RAD23B: variants seen among roughly 807,000 people sequenced by gnomAD.
The protein encoded by RAD23B is RAD23 nucleotide excision repair protein B.
In RAD23B, 5 loss-of-function variants were observed where a neutral mutation model predicts 49.1. That is an observed-to-expected ratio of 0.10 (90% CI 0.05 to 0.21). RAD23B has a LOEUF of 0.21. Among genes scored for constraint, RAD23B ranks in the 10% least tolerant of loss-of-function variants. The pLI, the probability that RAD23B is intolerant of heterozygous loss-of-function variation, is 1.00. For missense variants in RAD23B, 356 were observed against 486.7 expected, an observed-to-expected ratio of 0.73 and a Z score of 2.53; for synonymous variants, 184 against 165.4, an observed-to-expected ratio of 1.11 and a Z score of -0.86.
chr9:107,286,969 G>A (rs1388684585), intron 1 of RAD23B, among the ~76,000 whole-genome samples: 3 of 152,010 alleles, frequency 2.0e-5, no homozygotes, highest in Admixed American at 6.6e-5. Flanking sequence ...CAGCTACTTG[G>A]GAGGCTGAGG....
At chr9:107,296,480 T>G (rs754815369) in intron 1 of RAD23B, among the ~76,000 whole-genome samples, 1 of 152,236 alleles carries the variant, frequency 6.6e-6, no homozygotes, top group Non-Finnish European at 1.5e-5. Flanking sequence ...TTCTGTGCTG[T>G]GACTGTGTAA....
intron 1 of RAD23B, among the ~76,000 whole-genome samples, chr9:107,295,596 A>T (rs181554193): frequency 1.1e-4 from 16 of 152,316 alleles, no homozygotes; most frequent in Non-Finnish European, 2.9e-5. Context: ...GTACGAGAGG[A>T]TGCTGTGAAT....
intron 1 of RAD23B, among the ~76,000 whole-genome samples, chr9:107,287,075 A>G (rs67374221): frequency 0.16 from 15,814 of 100,896 alleles, 858 homozygotes; most frequent in South Asian, 0.21. Context: ...ACTCCGTCTC[A>G]AAAAAAAAAA....
At chr9:107,285,916 ATG>A (rs1833266172) in intron 1 of RAD23B, among the ~76,000 whole-genome samples, 1 of 152,194 alleles carries the variant, frequency 6.6e-6, no homozygotes, top group African/African-American at 2.4e-5. Flanking sequence ...TTTAATTAGT[ATG>A]TGTTTTTGAT....
Position 107,306,614 on chromosome 9 carries a change from C to T in RAD23B, c.464C>T (p.Thr155Ile), listed in dbSNP as rs376087685. 13 of 1,614,042 alleles carry T rather than the reference C, an allele frequency of 8.1e-6. No homozygotes were observed. The highest frequency in any genetic ancestry group is 1.0e-5 in the Non-Finnish European group (12 of 1,180,016). ...QEKPAEKPAE[T>I]PVATSPTATD... Reference sequence around the variant, plus strand: ...AAGCCTGCAGAAAAGCCAGCAGAGACACCAGTGGCTACTAGCCCAACAGCA... The same window carrying T: ...AAGCCTGCAGAAAAGCCAGCAGAGATACCAGTGGCTACTAGCCCAACAGCA... The change falls in exon 4 of 10, where the codon ACA (threonine) becomes ATA (isoleucine). Residue 155 changes from threonine (T) to isoleucine (I), a missense_variant. Physicochemically the swap from Thr to Ile is moderately conservative, Grantham distance 89. Transcript: ENST00000358015.
rs35923233 is a variant in RAD23B, at chr9:107,298,474, ATTTTTTTTTTTT to A, written c.67-1650_67-1639del. The stretch of plus-strand genomic sequence containing the variant: ...AGGCATTTACCGCCATGCTTGGCTA[ATTTTTTTTTTTT>A]TTTTTTTTTTTTTTTTGCATTTTTA... On this transcript the variant is annotated intron_variant, in intron 1 of 9. Transcript: ENST00000358015. Among the ~76,000 whole-genome samples, 206 of 53,130 alleles carry A rather than the reference ATTTTTTTTTTTT, an allele frequency of 3.9e-3. 1 individual carries two copies. The highest frequency in any genetic ancestry group is 0.012 in the Middle Eastern group (1 of 82). 34.9% of individuals were successfully genotyped at this position (53,130 alleles called of 152,430 possible).
chr9:107,313,109 C>T (rs1010591614), intron 5 of RAD23B, among the ~76,000 whole-genome samples: 1 of 152,106 alleles, frequency 6.6e-6, no homozygotes, highest in Admixed American at 6.5e-5. Context: ...CTTCTTTAAA[C>T]TTTCCTTCTT....
intron 5 of RAD23B, among the ~76,000 whole-genome samples, chr9:107,316,687 G>T (rs541721488): frequency 6.6e-6 from 1 of 152,016 alleles, no homozygotes; most frequent in Admixed American, 6.6e-5. Context: ...CTTTATTTTT[G>T]AAAATTCTGC....
chr9:107,329,780 T>TGGGGGGG lies in RAD23B; in HGVS notation c.*128_*129insGGGGGGG. Reference sequence around the variant, plus strand: ...GTATAAGGTAGTAGATTGTTGGGGGTGGGGAGGGAGGGATCTAGGATACAG... The same window carrying TGGGGGGG: ...GTATAAGGTAGTAGATTGTTGGGGGTGGGGGGGGGGGAGGGAGGGATCTAGGATACAG... On this transcript the variant is annotated 3_prime_UTR_variant, in exon 10 of 10. Transcript: ENST00000358015. 15 of 272,540 alleles carry TGGGGGGG rather than the reference T, an allele frequency of 5.5e-5. No individual in the cohort carries two copies. Among genetic ancestry groups the TGGGGGGG allele is most frequent in the Middle Eastern group, 1.2e-3 (1 of 826 alleles). The allele number at this position is 272,540 out of a possible 1,614,324, so 16.9% of individuals were successfully genotyped here. A position where few individuals can be genotyped will look rare whatever the true frequency, so the allele number is the denominator to read the frequency against.
chr9:107,311,429 T>C (rs1826884817), intron 4 of RAD23B, among the ~76,000 whole-genome samples: 1 of 152,194 alleles, frequency 6.6e-6, no homozygotes, highest in Non-Finnish European at 1.5e-5. Flanking sequence ...TATTATTTTA[T>C]ATATTTTGAT....
rs931673970 is a variant in RAD23B at position 107,332,040 on chromosome 9, A to G, written c.*2384A>G. 10 of 337,260 alleles carry G rather than the reference A, an allele frequency of 3.0e-5. No individual in the cohort carries two copies. The highest frequency in any genetic ancestry group is 4.2e-5 in the Non-Finnish European group (8 of 189,090). The allele number at this position is 337,260 out of a possible 1,614,324, so 20.9% of individuals were successfully genotyped here. On this transcript the variant is annotated 3_prime_UTR_variant, in exon 10 of 10. Transcript: ENST00000358015. ...AGTTGCTCTGTGGGAAATGTGAGGA[A>G]GCCTAAGTTTGTATTTGTAAATTTC...
chr9:107,319,465 T>C (rs775437277), intron 6 of RAD23B, among the ~76,000 whole-genome samples: 34 of 152,108 alleles, frequency 2.2e-4, no homozygotes, highest in Admixed American at 2.6e-4. Context: ...CCAAATTCTT[T>C]TGCTTATACT....
chr9:107,296,598 A>G lies in RAD23B; in HGVS notation c.67-3543A>G, dbSNP rs150448577. 3.5e-3 allele frequency among the ~76,000 whole-genome samples: 526 copies of G among 150,754 alleles called. 2 individuals are homozygous for G. Among genetic ancestry groups the G allele is most frequent in the Non-Finnish European group, 5.4e-3 (366 of 67,824 alleles). ...TTTTTCTTTTTCTTGAGACAGTCTC[A>G]TTCTGTCACCCAGGCTAGAGTGCAG... On this transcript the variant is annotated intron_variant, in intron 1 of 9. Coordinates refer to ENST00000358015, the MANE Select transcript of RAD23B (RefSeq NM_002874.5).
At chr9:107,308,052 A>G (rs979438060) in intron 4 of RAD23B, among the ~76,000 whole-genome samples, 1 of 152,166 alleles carries the variant, frequency 6.6e-6, no homozygotes, top group Non-Finnish European at 1.5e-5. Flanking sequence ...GCACTTAAAT[A>G]TTACAAACTT....
intron 1 of RAD23B, among the ~76,000 whole-genome samples, chr9:107,292,785 ACT>A (rs1281078556): frequency 6.6e-6 from 1 of 151,006 alleles, no homozygotes; most frequent in Non-Finnish European, 1.5e-5. Flanking sequence ...AAATTTAGAG[ACT>A]CTGCCTCTAG....
At chr9:107,293,701 C>T (rs1833430112) in intron 1 of RAD23B, among the ~76,000 whole-genome samples, 1 of 152,160 alleles carries the variant, frequency 6.6e-6, no homozygotes, top group African/African-American at 2.4e-5. Context: ...ATTGACATGG[C>T]AGCTCATTAT....
At chr9:107,309,428 C>G (rs2133082821) in intron 4 of RAD23B, among the ~76,000 whole-genome samples, 1 of 152,236 alleles carries the variant, frequency 6.6e-6, no homozygotes, top group South Asian at 2.1e-4. Flanking sequence ...ATAAACCAGA[C>G]AAAACCCATA....
intron 1 of RAD23B, among the ~76,000 whole-genome samples, chr9:107,286,868 C>G (rs935382677): frequency 2.0e-5 from 3 of 151,804 alleles, no homozygotes; most frequent in South Asian, 2.1e-4. Context: ...GTCAGGAGAT[C>G]GAGACCATCC....
intron 7 of RAD23B, among the ~76,000 whole-genome samples, chr9:107,323,229 A>G (rs1053984012): frequency 2.0e-5 from 3 of 152,160 alleles, no homozygotes; most frequent in African/African-American, 7.2e-5. Context: ...TTGTGAATGG[A>G]TTTTAGACTG....
Sources: gnomAD v4.1 joint callset for allele counts (sites outside exome capture counted in the v4.1 genomes callset) on GRCh38, gnomAD v4.1.1 for gene constraint, MANE v1.5 for transcripts, NCBI Gene and HGNC (gene_info 2026-07-23, HGNC 2026-07-21) for gene names.